The following GNA11 variants were observed in gnomAD, a reference collection of about 807,000 sequenced individuals.
The protein encoded by GNA11 is G protein subunit alpha 11.
A neutral mutation model predicts 38.2 loss-of-function variants in GNA11; 8 were observed. The observed-to-expected ratio is 0.21, with a 90% confidence interval of 0.12 to 0.38. The LOEUF (loss-of-function observed/expected upper bound fraction) is 0.38. Among genes scored for constraint, GNA11 ranks in the 10% least tolerant of loss-of-function variants. GNA11 has a pLI of 1.00. For missense variants in GNA11, 268 were observed against 516.3 expected (o/e 0.52, Z 4.66); for synonymous variants, 211 against 221.4 (o/e 0.95, Z 0.42).
chr19:3,098,214 C>T (rs1913419104), intron 1 of GNA11, among the ~76,000 whole-genome samples: 1 of 152,254 alleles, frequency 6.6e-6, no homozygotes, highest in Non-Finnish European at 1.5e-5. Flanking sequence ...TCTGTCGATG[C>T]TGGTGACAGC....
In GNA11 at chr19:3,120,134, G is replaced by T. The variant is rs920871840; in HGVS notation, c.889+775G>T. ...TCTGTGCTCCTCCCGTGAGTCTCGG[G>T]TGTCATCTTCGGGAGGGCCCCTCAG... On this transcript the variant is annotated intron_variant, in intron 6 of 6. Transcript: ENST00000078429. The surrounding 1 kb of genome is among the most constrained non-coding windows in gnomAD (Gnocchi z 5.9). 6.6e-6 allele frequency among the ~76,000 whole-genome samples: 1 copy of T among 152,114 alleles called. No individual in the cohort carries two copies. The highest frequency in any genetic ancestry group is 1.5e-5 in the Non-Finnish European group (1 of 67,994).
Position 3,119,448 on chromosome 19 carries a change from C to A in GNA11, c.889+89C>A. The A allele has an allele frequency of 1.6e-6, 2 of 1,258,588 alleles. No homozygotes were observed. The highest frequency in any genetic ancestry group is 2.2e-6 in the Non-Finnish European group (2 of 898,326). The allele number at this position is 1,258,588 out of a possible 1,614,324, so 78.0% of individuals were successfully genotyped here. A position where few individuals can be genotyped will look rare whatever the true frequency, so the allele number is the denominator to read the frequency against. Reference sequence around the variant, plus strand: ...ATATGGGAGAGGGGCTCATACAGGCCGGGAGCTCTAAGGGAGGGCGTCTGA... The same window carrying A: ...ATATGGGAGAGGGGCTCATACAGGCAGGGAGCTCTAAGGGAGGGCGTCTGA... On this transcript the variant is annotated intron_variant, in intron 6 of 6. Transcript: ENST00000078429. The surrounding 1 kb of genome is among the most constrained non-coding windows in gnomAD (Gnocchi z 4.6).
intron 1 of GNA11, among the ~76,000 whole-genome samples, chr19:3,104,018 C>T (rs1913574297): frequency 6.6e-6 from 1 of 152,184 alleles, no homozygotes; most frequent in Non-Finnish European, 1.5e-5. Context: ...GACGGGGTTT[C>T]ACCATGTTGG....
intron 3 of GNA11, among the ~76,000 whole-genome samples, chr19:3,114,076 C>T (rs528523573): frequency 4.3e-4 from 66 of 152,284 alleles, no homozygotes; most frequent in African/African-American, 1.6e-3. Context: ...CCCCGGCCCT[C>T]CCCCAGCACC....
chr19:3,108,111 A>T lies in GNA11; in HGVS notation c.137-2038A>T, dbSNP rs1054362387. Among the ~76,000 whole-genome samples the T allele has an allele frequency of 2.0e-5, 3 of 152,100 alleles. No homozygotes were observed. The highest frequency in any genetic ancestry group is 7.2e-5 in the African/African-American group (3 of 41,416). The stretch of plus-strand genomic sequence containing the variant: ...CTGCCACCGGGGCTCCCCACTCGGG[A>T]TGTGTTGGGTGTTTTGCGAGACCCC... On this transcript the variant is annotated intron_variant, in intron 1 of 6. Transcript: ENST00000078429. The surrounding 1 kb of genome is among the most constrained non-coding windows in gnomAD (Gnocchi z 4.5).
rs1476856451 is a variant in GNA11, at chr19:3,119,097, T to C, written c.735+44T>C. ...AGGGGCAGCGTTGGGGGCCGGGCCT[T>C]CCCCACCTGCCAAGCCTGGGTCCCC... On this transcript the variant is annotated intron_variant, in intron 5 of 6. Coordinates refer to ENST00000078429, the MANE Select transcript of GNA11 (RefSeq NM_002067.5). This position sits in a 1 kb window ranked among gnomAD's most constrained non-coding sequence, Gnocchi z 4.6. The C allele has an allele frequency of 6.2e-7, 1 of 1,607,840 alleles. No individual in the cohort carries two copies. Among genetic ancestry groups the C allele is most frequent in the Admixed American group, 1.7e-5 (1 of 59,900 alleles).
intron 1 of GNA11, among the ~76,000 whole-genome samples, chr19:3,103,265 G>A (rs1354403915): frequency 6.6e-6 from 1 of 151,896 alleles, no homozygotes; most frequent in Admixed American, 6.6e-5. Context: ...CCAGGCTGGA[G>A]TGCAGTGGTG....
Position 3,100,973 on chromosome 19 carries a change from C to T in GNA11, c.136+6186C>T, listed in dbSNP as rs138648132. Among the ~76,000 whole-genome samples the T allele has an allele frequency of 1.3e-3, 195 of 152,278 alleles. 1 individual carries two copies. Among genetic ancestry groups the T allele is most frequent in the Middle Eastern group, 3.4e-3 (1 of 294 alleles). On this transcript the variant is annotated intron_variant, in intron 1 of 6. Transcript: ENST00000078429. ...CTGGGCGGTGGTGCTCCCTGGATGG[C>T]GTCCACATGGGGACCCCAAGGCCTG...
At chr19:3,112,239 C>T (rs984777536) in intron 2 of GNA11, among the ~76,000 whole-genome samples, 2 of 152,140 alleles carry the variant, frequency 1.3e-5, no homozygotes, top group South Asian at 2.1e-4. Context: ...TTTTCCAAGT[C>T]CCCCTAGGTG....
intron 1 of GNA11, among the ~76,000 whole-genome samples, chr19:3,096,938 T>A (rs954868413): frequency 6.6e-6 from 1 of 152,180 alleles, no homozygotes; most frequent in Non-Finnish European, 1.5e-5. Context: ...GGGAATCTGA[T>A]GCGACAGACC....
chr19:3,101,216 G>C (rs1913495690), intron 1 of GNA11, among the ~76,000 whole-genome samples: 1 of 152,212 alleles, frequency 6.6e-6, no homozygotes, highest in South Asian at 2.1e-4. Context: ...TGTTGCTATT[G>C]TTAACCGTGT....
At position 3,120,757 on chromosome 19, in the gene GNA11, G is replaced by C. The variant is rs1914051404; in HGVS notation, c.890-232G>C. 6.6e-6 allele frequency among the ~76,000 whole-genome samples: 1 copy of C among 152,250 alleles called. No individual in the cohort carries two copies. Among genetic ancestry groups the C allele is most frequent in the East Asian group, 1.9e-4 (1 of 5,158 alleles). On this transcript the variant is annotated intron_variant, in intron 6 of 6. Coordinates refer to ENST00000078429, the MANE Select transcript of GNA11 (RefSeq NM_002067.5). The surrounding 1 kb of genome is among the most constrained non-coding windows in gnomAD (Gnocchi z 5.9). ...GAGCAGCGGTGGGTGCAGAGCCCCA[G>C]GTTGGAGGCCTGGGCCGTGACAGTA...
intron 1 of GNA11, among the ~76,000 whole-genome samples, chr19:3,104,324 G>C (rs972671682): frequency 6.6e-6 from 1 of 152,228 alleles, no homozygotes; most frequent in African/African-American, 2.4e-5. Context: ...CTGGAAGCTG[G>C]CTCAGTGGGA....
intron 1 of GNA11, among the ~76,000 whole-genome samples, chr19:3,109,495 G>A (rs946801818): frequency 2.0e-5 from 3 of 152,254 alleles, no homozygotes; most frequent in Admixed American, 6.5e-5. Context: ...GTCGTGGCAG[G>A]CGTGGAGACG....
At chr19:3,102,134 A>G (rs1197758564) in intron 1 of GNA11, among the ~76,000 whole-genome samples, 1 of 152,032 alleles carries the variant, frequency 6.6e-6, no homozygotes, top group Non-Finnish European at 1.5e-5. Context: ...ACAAACAAAA[A>G]AAAAACGTAG....
Position 3,108,788 on chromosome 19 carries a change from T to C in GNA11, c.137-1361T>C, listed in dbSNP as rs1568281466. ...CTGGCTTGGGGTCTCTCAGAAGTTG[T>C]AGTCAGGATACCAGCCAAGCAGGGG... On this transcript the variant is annotated intron_variant, in intron 1 of 6. Coordinates refer to ENST00000078429, the MANE Select transcript of GNA11 (RefSeq NM_002067.5). The surrounding 1 kb of genome is among the most constrained non-coding windows in gnomAD (Gnocchi z 4.5). Among the ~76,000 whole-genome samples the C allele has an allele frequency of 6.6e-6, 1 of 152,198 alleles. No homozygotes were observed. Among genetic ancestry groups the C allele is most frequent in the African/African-American group, 2.4e-5 (1 of 41,442 alleles).
In GNA11 at chr19:3,119,696, G is replaced by A. The variant is rs1223183715; in HGVS notation, c.889+337G>A. On this transcript the variant is annotated intron_variant, in intron 6 of 6. Coordinates refer to ENST00000078429, the MANE Select transcript of GNA11 (RefSeq NM_002067.5). The surrounding 1 kb of genome is among the most constrained non-coding windows in gnomAD (Gnocchi z 4.6). ...CAAGGAGGGCACCATGGGAGGGGGA[G>A]TCTTGTATTGGTGGGTCTTGTACGG... Among the ~76,000 whole-genome samples, 1 of 151,632 alleles carries A rather than the reference G, an allele frequency of 6.6e-6. No individual in the cohort carries two copies. Among genetic ancestry groups the A allele is most frequent in the Non-Finnish European group, 1.5e-5 (1 of 67,826 alleles).
chr19:3,114,908 C>T (rs370252647), intron 3 of GNA11, 36 bp from the exon 4 acceptor site: 35 of 1,571,124 alleles, frequency 2.2e-5, no homozygotes, highest in Middle Eastern at 3.4e-4. Context: ...CCCCCACCCC[C>T]GGCAGCCGGC....
chr19:3,105,957 G>A (rs751139208), intron 1 of GNA11, among the ~76,000 whole-genome samples: 5 of 152,262 alleles, frequency 3.3e-5, no homozygotes, highest in East Asian at 1.9e-4. Flanking sequence ...AGAGTGAGGC[G>A]GCATCTCGGA....
Sources: allele counts gnomAD v4.1 joint callset (sites outside exome capture counted in the v4.1 genomes callset), GRCh38; gene constraint gnomAD v4.1.1; non-coding constraint Gnocchi (gnomAD v3.1); transcripts MANE v1.5; gene names NCBI Gene and HGNC (gene_info 2026-07-23, HGNC 2026-07-21).